ROBO2: variants seen among roughly 807,000 people sequenced by gnomAD.
The protein encoded by ROBO2 is roundabout homolog 2.
Under a neutral mutation model 160.8 loss-of-function variants are expected in ROBO2, and 53 were observed. That is an observed-to-expected ratio of 0.33 (90% CI 0.26 to 0.41). The LOEUF (loss-of-function observed/expected upper bound fraction) is 0.41. Ranked by LOEUF, ROBO2 falls within the 10% of genes least tolerant of loss-of-function variation. ROBO2 has a pLI of 1.00. For missense variants in ROBO2, 1,577 were observed against 1,722.4 expected (o/e 0.92, Z 1.49); for synonymous variants, 664 against 611.7 (o/e 1.09, Z -1.26).
chr3:77,417,646 T>C (rs537767329), intron 2 of ROBO2, among the ~76,000 whole-genome samples: 76 of 152,134 alleles, frequency 5.0e-4, no homozygotes, highest in Non-Finnish European at 8.2e-4. Flanking sequence ...GGATTCAATA[T>C]ACTGTAAAAA....
chr3:76,385,663 C>A (rs2076848409), intron 2 of ROBO2, among the ~76,000 whole-genome samples: 1 of 152,214 alleles, frequency 6.6e-6, no homozygotes, highest in South Asian at 2.1e-4. Context: ...ATCACACAGT[C>A]CACTCATTCT....
intron 2 of ROBO2, among the ~76,000 whole-genome samples, chr3:76,390,008 G>A (rs148801882): frequency 6.6e-6 from 1 of 152,138 alleles, no homozygotes; most frequent in Admixed American, 6.5e-5. Flanking sequence ...CCCGTGTGAG[G>A]TTAGCAAATT....
intron 2 of ROBO2, among the ~76,000 whole-genome samples, chr3:77,219,160 G>A (rs1423510874): frequency 2.0e-5 from 3 of 151,604 alleles, no homozygotes; most frequent in Non-Finnish European, 4.4e-5. Flanking sequence ...GTAGAGATGG[G>A]GGTTTCACCA....
At chr3:76,957,446 T>C (rs1383340531) in intron 2 of ROBO2, among the ~76,000 whole-genome samples, 1 of 152,132 alleles carries the variant, frequency 6.6e-6, no homozygotes, top group African/African-American at 2.4e-5. Context: ...CTTACAGTGC[T>C]CCCAACTACT....
chr3:77,196,669 A>G (rs1484123494), intron 2 of ROBO2, among the ~76,000 whole-genome samples: 2 of 152,136 alleles, frequency 1.3e-5, no homozygotes, highest in African/African-American at 4.8e-5. Flanking sequence ...ATTCATGCAT[A>G]TATATTCATT....
chr3:76,547,714 A>G (rs17738567), intron 2 of ROBO2, among the ~76,000 whole-genome samples: 7,158 of 152,168 alleles, frequency 0.047, 197 homozygotes, highest in African/African-American at 0.073. Context: ...TAACCAATGC[A>G]TATTTTAAAA....
chr3:77,452,841 G>A (rs980884861), intron 2 of ROBO2, among the ~76,000 whole-genome samples: 1 of 152,106 alleles, frequency 6.6e-6, no homozygotes, highest in Admixed American at 6.6e-5. Flanking sequence ...GCAGAAACAG[G>A]TTTGAATATC....
intron 2 of ROBO2, among the ~76,000 whole-genome samples, chr3:76,273,097 A>T (rs573340279): frequency 1.5e-5 from 1 of 65,044 alleles, no homozygotes; most frequent in Non-Finnish European, 3.1e-5. Flanking sequence ...TAAAATACAC[A>T]CACATATACA....
chr3:76,651,999 G>A (rs541667595), intron 2 of ROBO2, among the ~76,000 whole-genome samples: 11 of 152,222 alleles, frequency 7.2e-5, no homozygotes, highest in South Asian at 2.1e-4. Flanking sequence ...GGAGGATGTC[G>A]CTCCCTGCAG....
chr3:76,116,327 T>A (rs2070469114), intron 2 of ROBO2, among the ~76,000 whole-genome samples: 1 of 152,170 alleles, frequency 6.6e-6, no homozygotes, highest in African/African-American at 2.4e-5. Context: ...ATTCTTTTCA[T>A]CCCCTCTCCT....
At chr3:76,841,918 G>A (rs1182797521) in intron 2 of ROBO2, among the ~76,000 whole-genome samples, 1 of 152,164 alleles carries the variant, frequency 6.6e-6, no homozygotes, top group African/African-American at 2.4e-5. Context: ...ACCAGCTGAA[G>A]TCTGTCAACA....
At chr3:76,604,859 G>A (rs2109002608) in intron 2 of ROBO2, among the ~76,000 whole-genome samples, 1 of 152,264 alleles carries the variant, frequency 6.6e-6, no homozygotes, top group South Asian at 2.1e-4. Flanking sequence ...CCTTGACCAA[G>A]AAGCTCAACT....
intron 2 of ROBO2, among the ~76,000 whole-genome samples, chr3:77,449,466 A>T (rs1475357247): frequency 6.6e-6 from 1 of 152,120 alleles, no homozygotes; most frequent in Non-Finnish European, 1.5e-5. Context: ...TGAACAAAAT[A>T]TGCGTTCATT....
intron 2 of ROBO2, among the ~76,000 whole-genome samples, chr3:76,085,792 T>A (rs893348239): frequency 6.6e-6 from 1 of 152,138 alleles, no homozygotes; most frequent in Non-Finnish European, 1.5e-5. Flanking sequence ...TGTGGACAAC[T>A]CTGAGAATTA....
At chr3:76,267,934 G>T (rs1707196075) in intron 2 of ROBO2, among the ~76,000 whole-genome samples, 1 of 152,094 alleles carries the variant, frequency 6.6e-6, no homozygotes, top group African/African-American at 2.4e-5. Context: ...CTTCACAGAA[G>T]TAGCTATGTC....
At chr3:77,565,029 G>A (rs747705229) in exon 12 of ROBO2, 2 of 1,613,698 alleles carry the variant, frequency 1.2e-6, no homozygotes, top group Non-Finnish European at 1.7e-6. Flanking sequence ...GAGGACTGCG[G>A]CCCAATACAA....
intron 2 of ROBO2, among the ~76,000 whole-genome samples, chr3:75,972,494 G>A (rs2065025415): frequency 2.0e-5 from 3 of 151,604 alleles, no homozygotes; most frequent in African/African-American, 7.3e-5. Context: ...GAAAAATTAT[G>A]TTTGTGCTGC....
At chr3:76,957,979 T>G (rs1001253386) in intron 2 of ROBO2, among the ~76,000 whole-genome samples, 7 of 152,204 alleles carry the variant, frequency 4.6e-5, no homozygotes, top group African/African-American at 1.7e-4. Flanking sequence ...AAAGAGTCCT[T>G]TCCTCTTTTG....
At chr3:77,352,291 C>T (rs2068464583) in intron 2 of ROBO2, among the ~76,000 whole-genome samples, 1 of 151,492 alleles carries the variant, frequency 6.6e-6, no homozygotes, top group African/African-American at 2.4e-5. Flanking sequence ...GCAGGAGTGA[C>T]TATAGAAGTG....
Sources: gnomAD v4.1 joint callset for allele counts (sites outside exome capture counted in the v4.1 genomes callset) on GRCh38, gnomAD v4.1.1 for gene constraint, MANE v1.5 for transcripts, NCBI Gene and HGNC (gene_info 2026-07-23, HGNC 2026-07-21) for gene names.